Variants in RYR3 observed in about 807,000 individuals in gnomAD.
RYR3 encodes brain ryanodine receptor-calcium release channel.
RYR3 carries 207 observed loss-of-function variants against 584.3 expected under a neutral mutation model. The ratio of observed to expected loss-of-function variants is 0.35; its 90% CI spans 0.32 to 0.40. The LOEUF (loss-of-function observed/expected upper bound fraction) is 0.40. RYR3 is among the 10% of genes least tolerant of loss of function. The pLI, the probability that RYR3 is intolerant of heterozygous loss-of-function variation, is 1.00. For missense variants in RYR3, 5,616 were observed against 6,089.2 expected (o/e 0.92, Z 2.59); for synonymous variants, 2,416 against 2,248.5 (o/e 1.07, Z -2.11).
chr15:33,363,527 CAT>C (rs1185824527), intron 1 of RYR3, among the ~76,000 whole-genome samples: 1 of 152,126 alleles, frequency 6.6e-6, no homozygotes, highest in Non-Finnish European at 1.5e-5. Context: ...TTCAAATCCA[CAT>C]ATGTGGATAT....
Position 33,786,304 on chromosome 15 carries a change from C to A in RYR3, c.9589+322C>A, listed in dbSNP as rs539135424. On this transcript the variant is annotated intron_variant, in intron 66 of 103. Transcript: ENST00000634891. ...TACTCAAGAATCCCATTAGCTCTTA[C>A]AGTAATAATTGTCCAGAATTTTCCT... Among the ~76,000 whole-genome samples the A allele has an allele frequency of 7.9e-5, 12 of 152,260 alleles. No individual in the cohort carries two copies. The South Asian group carries it at 2.3e-3, about 29-fold the overall frequency.
intron 43 of RYR3, among the ~76,000 whole-genome samples, chr15:33,722,222 A>G (rs1438444302): frequency 1.3e-5 from 2 of 152,176 alleles, no homozygotes; most frequent in Non-Finnish European, 2.9e-5. Context: ...GCATGCCCTC[A>G]TTGAGGTAAT....
intron 3 of RYR3, among the ~76,000 whole-genome samples, chr15:33,514,313 C>T (rs542758611): frequency 6.6e-6 from 1 of 152,248 alleles, no homozygotes; most frequent in South Asian, 2.1e-4. Flanking sequence ...TGCTCCAGAC[C>T]CCGTTTCTCT....
chr15:33,422,621 A>G (rs16970823), intron 1 of RYR3, among the ~76,000 whole-genome samples: 45,392 of 151,788 alleles, frequency 0.3, 7,764 homozygotes, highest in African/African-American at 0.48. Context: ...CCCTTTCTAA[A>G]TACACAGAAC....
At chr15:33,411,624 C>G (rs991661605) in intron 1 of RYR3, among the ~76,000 whole-genome samples, 3 of 152,166 alleles carry the variant, frequency 2.0e-5, no homozygotes, top group African/African-American at 7.2e-5. Context: ...GACAAAGCTG[C>G]CAAAATCTGA....
At chr15:33,331,990 A>G (rs1439241086) in intron 1 of RYR3, among the ~76,000 whole-genome samples, 1 of 152,070 alleles carries the variant, frequency 6.6e-6, no homozygotes, top group Admixed American at 6.5e-5. Flanking sequence ...TAAGTATAAT[A>G]TGCAAATTAA....
In RYR3 at chr15:33,311,182, C is replaced by CGGTGCCG; in HGVS notation, c.51+93_51+99dup. 9.4e-7 allele frequency: 1 copy of CGGTGCCG among 1,060,998 alleles called. No homozygotes were observed. Among genetic ancestry groups the CGGTGCCG allele is most frequent in the Non-Finnish European group, 1.3e-6 (1 of 789,506 alleles). The allele number at this position is 1,060,998 out of a possible 1,614,324, so 65.7% of individuals were successfully genotyped here. A position where few individuals can be genotyped will look rare whatever the true frequency, so the allele number is the denominator to read the frequency against. ...AGGAGGGGCTGGCTGCGCTGCGCCG[C>CGGTGCCG]GGTGCCGGGTGCCCGGTGCCGGGCG... On this transcript the variant is annotated intron_variant, in intron 1 of 103. Transcript: ENST00000634891. This position sits in a 1 kb window ranked among gnomAD's most constrained non-coding sequence, Gnocchi z 4.4.
intron 16 of RYR3, among the ~76,000 whole-genome samples, chr15:33,591,307 A>T (rs1221273972): frequency 1.3e-5 from 2 of 152,154 alleles, no homozygotes; most frequent in Non-Finnish European, 2.9e-5. Flanking sequence ...TAATTGTTCC[A>T]ATCTGCCTTC....
chr15:33,512,766 G>C (rs968585132), intron 3 of RYR3, among the ~76,000 whole-genome samples: 4 of 152,168 alleles, frequency 2.6e-5, no homozygotes, highest in Non-Finnish European at 4.4e-5. Flanking sequence ...AAATATATTT[G>C]TTGGTGGTGG....
intron 67 of RYR3, among the ~76,000 whole-genome samples, chr15:33,795,705 A>G (rs568328003): frequency 6.6e-6 from 1 of 151,772 alleles, no homozygotes; most frequent in East Asian, 1.9e-4. Flanking sequence ...ATTTTTTTGT[A>G]TTTTTGGTAG....
At chr15:33,708,855 C>T (rs559735496) in intron 43 of RYR3, among the ~76,000 whole-genome samples, 1 of 152,126 alleles carries the variant, frequency 6.6e-6, no homozygotes, top group East Asian at 1.9e-4. Context: ...GCTGCTGTGT[C>T]GTTCCCCTAT....
In RYR3 at chr15:33,496,219, G is replaced by A. The variant is rs144075990; in HGVS notation, c.172-7412G>A. Among the ~76,000 whole-genome samples, 234 of 152,298 alleles carry A rather than the reference G, an allele frequency of 1.5e-3. 2 individuals are homozygous for A. The highest frequency in any genetic ancestry group is 4.9e-3 in the African/African-American group (205 of 41,568). The stretch of plus-strand genomic sequence containing the variant: ...AGTCAGCCCTGTTTGAGGTGATGTG[G>A]TGTCACGGAGCAAATGCAATGCATA... On this transcript the variant is annotated intron_variant, in intron 2 of 103. Transcript: ENST00000634891.
At chr15:33,735,044 T>C (rs112758432) in intron 48 of RYR3, among the ~76,000 whole-genome samples, 1 of 152,068 alleles carries the variant, frequency 6.6e-6, no homozygotes, top group Non-Finnish European at 1.5e-5. Flanking sequence ...CCCCTATTAC[T>C]GTACTTTTAG....
chr15:33,855,741 T>C (rs924013278), intron 98 of RYR3: 1 of 152,342 alleles, frequency 6.6e-6, no homozygotes, highest in East Asian at 1.9e-4. Flanking sequence ...ATATACATTA[T>C]ATAGTTAATA....
intron 1 of RYR3, among the ~76,000 whole-genome samples, chr15:33,323,399 C>T (rs370716046): frequency 4.6e-5 from 7 of 152,092 alleles, no homozygotes; most frequent in African/African-American, 9.7e-5. Flanking sequence ...TGAGCCACCG[C>T]GCCCGGCCTT....
chr15:33,854,760 T>G lies in RYR3; in HGVS notation c.13861-6T>G, dbSNP rs1459494736. On this transcript the variant is annotated splice_region_variant and splice_polypyrimidine_tract_variant and intron_variant, in intron 97 of 103. Transcript: ENST00000634891. ...TGCTTAAAAGTCTGCTTTCTTCCAT[T>G]CCCAGTCCTTTCTCTACCTTGCCTG... The G allele has an allele frequency of 6.3e-7, 1 of 1,597,256 alleles. No homozygotes were observed. The highest frequency in any genetic ancestry group is 8.5e-7 in the Non-Finnish European group (1 of 1,175,024).
chr15:33,640,914 G>C (rs560533661), intron 27 of RYR3, among the ~76,000 whole-genome samples: 2 of 152,188 alleles, frequency 1.3e-5, no homozygotes, highest in Admixed American at 1.3e-4. Flanking sequence ...TGAGGCTATG[G>C]GTTCATTAAG....
chr15:33,744,681 C>T (rs963478713), intron 52 of RYR3, among the ~76,000 whole-genome samples: 7 of 152,148 alleles, frequency 4.6e-5, no homozygotes, highest in South Asian at 2.1e-4. Flanking sequence ...GAAGTAAGCG[C>T]GCTGCCGGCC....
chr15:33,337,934 A>ATTTTTTTTTTTTT (rs199625940), intron 1 of RYR3, among the ~76,000 whole-genome samples: 12 of 113,600 alleles, frequency 1.1e-4, no homozygotes, highest in Non-Finnish European at 1.6e-4. Context: ...ATTTTAGGAG[A>ATTTTTTTTTTTTT]TTTTTTTTTT....
Sources: gnomAD v4.1 joint callset for allele counts (sites outside exome capture counted in the v4.1 genomes callset) on GRCh38, gnomAD v4.1.1 for gene constraint, Gnocchi (gnomAD v3.1) non-coding constraint, MANE v1.5 for transcripts, NCBI Gene and HGNC (gene_info 2026-07-23, HGNC 2026-07-21) for gene names.